The following GNAQ variants were observed in gnomAD, a reference collection of about 807,000 sequenced individuals.
GNAQ encodes guanine nucleotide-binding protein G(q) subunit alpha.
Under a neutral mutation model 43.9 loss-of-function variants are expected in GNAQ, and 8 were observed. The observed-to-expected ratio is 0.18, with a 90% CI of 0.11 to 0.33. GNAQ has a LOEUF of 0.33. Ranked by LOEUF, GNAQ falls within the 10% of genes least tolerant of loss-of-function variation. The pLI, the probability that GNAQ is intolerant of heterozygous loss-of-function variation, is 1.00. For synonymous variants in GNAQ, 155 were observed against 170.7 expected (o/e 0.91, Z 0.71); for missense variants, 158 against 450.8 (o/e 0.35, Z 5.88).
intron 5 of GNAQ, among the ~76,000 whole-genome samples, chr9:77,781,265 G>A (rs7860809): frequency 0.034 from 5,119 of 151,958 alleles, 248 homozygotes; most frequent in African/African-American, 0.11. Context: ...GTTGATTTTC[G>A]TAAAGGGTGG....
intron 1 of GNAQ, among the ~76,000 whole-genome samples, chr9:77,938,644 A>G (rs932175400): frequency 1.3e-5 from 2 of 152,230 alleles, no homozygotes; most frequent in African/African-American, 4.8e-5. Flanking sequence ...AGAGGAGACC[A>G]AGAAAGAAGC....
At chr9:77,906,504 C>T (rs1180502554) in intron 2 of GNAQ, among the ~76,000 whole-genome samples, 3 of 151,982 alleles carry the variant, frequency 2.0e-5, no homozygotes, top group African/African-American at 4.8e-5. Flanking sequence ...GTTTATCCTG[C>T]AAGGATGTTC....
At chr9:77,980,681 T>A (rs1479238521) in intron 1 of GNAQ, among the ~76,000 whole-genome samples, 1 of 151,986 alleles carries the variant, frequency 6.6e-6, no homozygotes, top group Non-Finnish European at 1.5e-5. Context: ...AAAACACAAT[T>A]CACAATTTAT....
intron 2 of GNAQ, among the ~76,000 whole-genome samples, chr9:77,816,807 A>G (rs1209544649): frequency 1.3e-5 from 2 of 152,202 alleles, no homozygotes; most frequent in Non-Finnish European, 2.9e-5. Context: ...TCATTTCACA[A>G]GAGTATTAAG....
At chr9:77,901,353 C>T (rs1182233969) in intron 2 of GNAQ, among the ~76,000 whole-genome samples, 2 of 152,194 alleles carry the variant, frequency 1.3e-5, no homozygotes, top group Non-Finnish European at 2.9e-5. Context: ...TCTCTCACCA[C>T]AAAACCTGGC....
intron 2 of GNAQ, among the ~76,000 whole-genome samples, chr9:77,855,990 A>G (rs1827748610): frequency 2.0e-5 from 3 of 152,228 alleles, no homozygotes; most frequent in Non-Finnish European, 4.4e-5. Context: ...AACACAGACT[A>G]TAGCTAAACT....
intron 2 of GNAQ, among the ~76,000 whole-genome samples, chr9:77,854,903 T>A (rs1360181909): frequency 6.6e-6 from 1 of 152,216 alleles, no homozygotes. Flanking sequence ...AAAAGTTTAA[T>A]TGAAAAAAGC....
At chr9:77,759,474 A>G (rs1412374449) in intron 5 of GNAQ, among the ~76,000 whole-genome samples, 1 of 152,132 alleles carries the variant, frequency 6.6e-6, no homozygotes, top group Non-Finnish European at 1.5e-5. Flanking sequence ...CTGAGATAAT[A>G]TGCTTTTCTA....
At chr9:77,927,014 T>C (rs1564154098) in intron 1 of GNAQ, among the ~76,000 whole-genome samples, 2 of 152,214 alleles carry the variant, frequency 1.3e-5, no homozygotes, top group Non-Finnish European at 2.9e-5. Flanking sequence ...AAACTCAATA[T>C]ACTATGATAC....
intron 2 of GNAQ, among the ~76,000 whole-genome samples, chr9:77,823,482 T>C (rs1257177192): frequency 6.6e-6 from 1 of 152,194 alleles, no homozygotes; most frequent in East Asian, 1.9e-4. Flanking sequence ...CCAAAACAGT[T>C]AATGTTTGTA....
chr9:77,782,788 G>C (rs1826414995), intron 5 of GNAQ, among the ~76,000 whole-genome samples: 1 of 152,150 alleles, frequency 6.6e-6, no homozygotes, highest in South Asian at 2.1e-4. Flanking sequence ...ATTACATCTA[G>C]ACAATGAACT....
At chr9:77,782,644 T>C (rs1826412476) in intron 5 of GNAQ, among the ~76,000 whole-genome samples, 1 of 152,246 alleles carries the variant, frequency 6.6e-6, no homozygotes, top group Admixed American at 6.5e-5. Flanking sequence ...ATCATGCTCC[T>C]TGGTATTTAA....
intron 1 of GNAQ, among the ~76,000 whole-genome samples, chr9:77,949,676 G>A (rs1371718575): frequency 1.3e-5 from 2 of 152,150 alleles, no homozygotes; most frequent in African/African-American, 4.8e-5. Context: ...TCTGTCTGCA[G>A]GAAAAGATGT....
rs1171993533 is a variant in GNAQ, at chr9:77,943,621, G to GA, written c.137-21277dup. Among the ~76,000 whole-genome samples, 10 of 141,922 alleles carry GA rather than the reference G, an allele frequency of 7.0e-5. No individual in the cohort carries two copies. The East Asian group carries it at 8.1e-4, about 12-fold the overall frequency. The allele number at this position is 141,922 out of a possible 152,430, so 93.1% of individuals were successfully genotyped here. A position where few individuals can be genotyped will look rare whatever the true frequency, so the allele number is the denominator to read the frequency against. On this transcript the variant is annotated intron_variant, in intron 1 of 6. Transcript: ENST00000286548. ...TTGATTTCCTCTACTACACAAATTG[G>GA]AAAAAAAAATAAAGTACCTTTATCC...
intron 5 of GNAQ, among the ~76,000 whole-genome samples, chr9:77,776,449 G>C (rs190472333): frequency 2.0e-5 from 3 of 152,214 alleles, no homozygotes; most frequent in African/African-American, 7.2e-5. Flanking sequence ...ACAGACTTCA[G>C]GGTAAAAATT....
intron 1 of GNAQ, among the ~76,000 whole-genome samples, chr9:77,969,551 A>G (rs774898064): frequency 6.6e-6 from 1 of 152,238 alleles, no homozygotes; most frequent in Non-Finnish European, 1.5e-5. Context: ...TATATATAAT[A>G]CAGATTATAC....
At chr9:77,931,711 C>G (rs1179847753) in intron 1 of GNAQ, among the ~76,000 whole-genome samples, 1 of 152,192 alleles carries the variant, frequency 6.6e-6, no homozygotes, top group Admixed American at 6.5e-5. Context: ...CATATGCTAC[C>G]TATTCCAGTT....
At chr9:77,930,973 T>A (rs1468130752) in intron 1 of GNAQ, among the ~76,000 whole-genome samples, 1 of 151,924 alleles carries the variant, frequency 6.6e-6, no homozygotes, top group African/African-American at 2.4e-5. Flanking sequence ...GAACTGTGCA[T>A]GCGAAGGATC....
At chr9:78,001,453 C>G (rs1477025679) in intron 1 of GNAQ, among the ~76,000 whole-genome samples, 1 of 151,960 alleles carries the variant, frequency 6.6e-6, no homozygotes, top group Non-Finnish European at 1.5e-5. Context: ...GCTACAGCAC[C>G]AAGATATATC....
Sources: gnomAD v4.1 joint callset for allele counts (sites outside exome capture counted in the v4.1 genomes callset) on GRCh38, gnomAD v4.1.1 for gene constraint, MANE v1.5 for transcripts, NCBI Gene and HGNC (gene_info 2026-07-23, HGNC 2026-07-21) for gene names.